GPHN: variants seen among roughly 807,000 people sequenced by gnomAD.
GPHN encodes the protein gephyrin.
GPHN carries 17 observed loss-of-function variants against 95.5 expected under a neutral mutation model. The ratio of observed to expected loss-of-function variants is 0.18; its 90% CI spans 0.12 to 0.27. The LOEUF (loss-of-function observed/expected upper bound fraction) is 0.27, where lower values mean the gene tolerates loss of function less well. GPHN is among the 10% of genes least tolerant of loss of function. GPHN has a pLI of 1.00. For synonymous variants in GPHN, 320 were observed against 322.5 expected (o/e 0.99, Z 0.08); for missense variants, 660 against 978.1 (o/e 0.67, Z 4.34).
the GPHN span, among the ~76,000 whole-genome samples, chr14:67,194,528 C>A: frequency 6.6e-6 from 1 of 152,014 alleles, no homozygotes; most frequent in Non-Finnish European, 1.5e-5. Context: ...TCCCCCAAGA[C>A]AGAGTTTTGC....
At chr14:67,734,807 A>G in the GPHN span, among the ~76,000 whole-genome samples, 1 of 152,152 alleles carries the variant, frequency 6.6e-6, no homozygotes, top group Non-Finnish European at 1.5e-5. Flanking sequence ...AAGGGGTGCT[A>G]TTCTCTGCGT....
chr14:67,103,409 T>C (rs991635115), intron 13 of GPHN, among the ~76,000 whole-genome samples: 18 of 152,114 alleles, frequency 1.2e-4, no homozygotes, highest in Non-Finnish European at 7.4e-5. Context: ...TTGGTATTTT[T>C]ATAGGAATTG....
At chr14:66,946,380 G>A (rs1364374066) in intron 8 of GPHN, among the ~76,000 whole-genome samples, 1 of 152,142 alleles carries the variant, frequency 6.6e-6, no homozygotes, top group Non-Finnish European at 1.5e-5. Context: ...TCAAAATTAA[G>A]TGAACTTTGT....
chr14:67,675,248 C>T, the GPHN span, among the ~76,000 whole-genome samples: 1 of 152,176 alleles, frequency 6.6e-6, no homozygotes, highest in Non-Finnish European at 1.5e-5. Flanking sequence ...TGGCTCGCGC[C>T]TGTAATCCCA....
chr14:66,716,132 G>A (rs1007783226), intron 2 of GPHN, among the ~76,000 whole-genome samples: 12 of 152,138 alleles, frequency 7.9e-5, no homozygotes, highest in Admixed American at 3.9e-4. Context: ...GTGTTGCTGT[G>A]TATTTCATTT....
intron 1 of GPHN, among the ~76,000 whole-genome samples, chr14:66,632,274 T>A (rs917501083): frequency 6.6e-6 from 1 of 152,168 alleles, no homozygotes; most frequent in Non-Finnish European, 1.5e-5. Flanking sequence ...GATCAAAAGC[T>A]CATAGTTGTT....
chr14:67,397,735 G>GTAGTTTAGGTGGT, the GPHN span: 1 of 1,613,328 alleles, frequency 6.2e-7, no homozygotes, highest in Non-Finnish European at 8.5e-7. Flanking sequence ...CTTGGGAGGG[G>GTAGTTTAGGTGGT]TCACTCTCCG....
At chr14:67,204,417 G>A in the GPHN span, 19 of 1,349,558 alleles carry the variant, frequency 1.4e-5, no homozygotes, top group South Asian at 3.3e-4. Context: ...ACTCCAACGT[G>A]GGCAACAGAG....
At chr14:66,994,258 C>T (rs1399577882) in intron 9 of GPHN, among the ~76,000 whole-genome samples, 1 of 151,880 alleles carries the variant, frequency 6.6e-6, no homozygotes, top group African/African-American at 2.4e-5. Context: ...CCCACTTACT[C>T]GGAAGGCTGA....
At chr14:67,168,625 A>G (rs1298102816) in intron 20 of GPHN, among the ~76,000 whole-genome samples, 3 of 152,210 alleles carry the variant, frequency 2.0e-5, no homozygotes, top group Admixed American at 6.5e-5. Flanking sequence ...AAGATTAGTA[A>G]TGAGTAATCT....
chr14:67,180,460 T>C (rs2083267003), intron 22 of GPHN, among the ~76,000 whole-genome samples: 1 of 152,210 alleles, frequency 6.6e-6, no homozygotes, highest in Non-Finnish European at 1.5e-5. Context: ...GCTGCTACCA[T>C]TATTGTCATT....
At chr14:66,794,298 A>G (rs901898941) in intron 3 of GPHN, among the ~76,000 whole-genome samples, 2 of 151,934 alleles carry the variant, frequency 1.3e-5, no homozygotes, top group Admixed American at 6.6e-5. Flanking sequence ...GCCCCTTCCC[A>G]CTTGCTCTCT....
the GPHN span, chr14:67,646,713 C>T: frequency 3.1e-6 from 5 of 1,613,456 alleles, no homozygotes; most frequent in African/African-American, 1.3e-5. Context: ...GTATATTGGT[C>T]TGAGAGACGT....
At chr14:66,615,082 A>G (rs1048486732) in intron 1 of GPHN, among the ~76,000 whole-genome samples, 1 of 152,268 alleles carries the variant, frequency 6.6e-6, no homozygotes, top group East Asian at 1.9e-4. Flanking sequence ...TCCATGGTGT[A>G]TACGTATCAC....
At chr14:66,792,351 A>G (rs1253935722) in intron 3 of GPHN, among the ~76,000 whole-genome samples, 1 of 152,108 alleles carries the variant, frequency 6.6e-6, no homozygotes, top group Non-Finnish European at 1.5e-5. Context: ...AAAAATAAAT[A>G]AAATAATACA....
chr14:66,743,781 T>C (rs1250065199), intron 2 of GPHN, among the ~76,000 whole-genome samples: 1 of 152,074 alleles, frequency 6.6e-6, no homozygotes, highest in Non-Finnish European at 1.5e-5. Flanking sequence ...TTTAATTGCT[T>C]TAAAACAGCT....
At chr14:67,706,604 C>G in the GPHN span, among the ~76,000 whole-genome samples, 2 of 152,146 alleles carry the variant, frequency 1.3e-5, no homozygotes, top group Non-Finnish European at 2.9e-5. Context: ...TTCTGTTTAG[C>G]CTTTTCAAAG....
At chr14:66,648,773 A>G (rs2064886812) in intron 1 of GPHN, among the ~76,000 whole-genome samples, 1 of 152,218 alleles carries the variant, frequency 6.6e-6, no homozygotes, top group African/African-American at 2.4e-5. Flanking sequence ...GTAGAAGGTG[A>G]TTAAATACCA....
chr14:67,387,445 TCCCTTTAAC>T, the GPHN span: 1 of 1,608,164 alleles, frequency 6.2e-7, no homozygotes, highest in Non-Finnish European at 8.5e-7. Flanking sequence ...CCCTGGACAT[TCCCTTTAAC>T]CCCTAGGCAG....
Sources: gnomAD v4.1 joint callset for allele counts (sites outside exome capture counted in the v4.1 genomes callset) on GRCh38, gnomAD v4.1.1 for gene constraint, MANE v1.5 for transcripts, NCBI Gene and HGNC (gene_info 2026-07-23, HGNC 2026-07-21) for gene names.